Variants in FAM83B observed in about 807,000 individuals in gnomAD.
The protein encoded by FAM83B is scaffolding CK1 anchoring protein B.
Under a neutral mutation model 38.8 loss-of-function variants are expected in FAM83B, and 26 were observed. The ratio of observed to expected loss-of-function variants is 0.67; its 90% confidence interval spans 0.49 to 0.93. The LOEUF (loss-of-function observed/expected upper bound fraction) is 0.93, where lower values mean the gene tolerates loss of function less well. FAM83B is among the 40% of genes least tolerant of loss of function. FAM83B has a pLI of 0.00. For synonymous variants in FAM83B, 419 were observed against 423.1 expected (o/e 0.99, Z 0.12); for missense variants, 1,237 against 1,197.3 (o/e 1.03, Z -0.49).
chr6:54,877,675 G>A (rs1030684808), intron 2 of FAM83B, among the ~76,000 whole-genome samples: 7 of 152,188 alleles, frequency 4.6e-5, no homozygotes, highest in Non-Finnish European at 8.8e-5. Context: ...ACTGTGCTAA[G>A]CACTTTACAT....
intron 2 of FAM83B, among the ~76,000 whole-genome samples, chr6:54,896,814 A>G (rs1772548894): frequency 6.6e-6 from 1 of 152,344 alleles, no homozygotes; most frequent in South Asian, 2.1e-4. Context: ...AACAACAAAG[A>G]TAATTTTGTA....
intron 1 of FAM83B, among the ~76,000 whole-genome samples, chr6:54,851,204 CT>C (rs1056034304): frequency 4.6e-5 from 7 of 151,502 alleles, no homozygotes; most frequent in East Asian, 2.0e-4. Flanking sequence ...GCCTTTTCAT[CT>C]TTTTTTGTCA....
In FAM83B at chr6:54,915,812, CAAAAAAAAAAAA is replaced by C. The variant is rs58597609; in HGVS notation, c.445-10545_445-10534del. Among the ~76,000 whole-genome samples, 8 of 18,050 alleles carry C rather than the reference CAAAAAAAAAAAA, an allele frequency of 4.4e-4. 1 individual carries two copies. Among genetic ancestry groups the C allele is most frequent in the African/African-American group, 1.4e-3 (6 of 4,252 alleles). 11.8% of individuals were successfully genotyped at this position (18,050 alleles called of 152,430 possible). A position where few individuals can be genotyped will look rare whatever the true frequency, so the allele number is the denominator to read the frequency against. On this transcript the variant is annotated intron_variant, in intron 2 of 4. Transcript: ENST00000306858. ...TGGGCGACAGAGCGAGACTCCGTCTCAAAAAAAAAAAAAAAAAAAAAAAAAGAAACTCACATT... is the reference window on the plus strand; with the variant it reads ...TGGGCGACAGAGCGAGACTCCGTCTCAAAAAAAAAAAAAGAAACTCACATT...
chr6:54,865,974 A>G (rs1047901933), intron 1 of FAM83B, among the ~76,000 whole-genome samples: 4 of 3,338 alleles, frequency 1.2e-3, no homozygotes, highest in Middle Eastern at 0.17. Context: ...AGTCATAATA[A>G]TAATAATAAT....
rs776649451 is a variant in FAM83B, at chr6:54,941,249, G to A, written c.2278G>A (p.Glu760Lys). Residue 760 changes from glutamate (E) to lysine (K), a missense_variant, in exon 5 of 5, where the codon GAA (glutamate) becomes AAA (lysine). Transcript: ENST00000306858. Reference sequence around the variant, plus strand: ...TAACAAAGAACTTGCTTCAAAGAAGGAAGTTAAGGGTTCCCCAAGTTTTTT... The same window carrying A: ...TAACAAAGAACTTGCTTCAAAGAAGAAAGTTAAGGGTTCCCCAAGTTTTTT... ...ESNKELASKK[E>K]VKGSPSFLKK... The A allele has an allele frequency of 2.5e-6, 4 of 1,612,682 alleles. No individual in the cohort carries two copies. Among genetic ancestry groups the A allele is most frequent in the Non-Finnish European group, 3.4e-6 (4 of 1,179,704 alleles).
At chr6:54,932,522 G>T (rs539989941) in intron 4 of FAM83B, among the ~76,000 whole-genome samples, 1 of 152,188 alleles carries the variant, frequency 6.6e-6, no homozygotes, top group African/African-American at 2.4e-5. Context: ...ATCTGCAATA[G>T]TACAGGTCAC....
chr6:54,914,415 C>T (rs1025925122), intron 2 of FAM83B, among the ~76,000 whole-genome samples: 2 of 152,096 alleles, frequency 1.3e-5, no homozygotes, highest in African/African-American at 4.8e-5. Context: ...TTTCATCAAA[C>T]CCAATGAATT....
intron 2 of FAM83B, among the ~76,000 whole-genome samples, chr6:54,892,059 G>A (rs1772415447): frequency 6.6e-6 from 1 of 152,090 alleles, no homozygotes; most frequent in Admixed American, 6.6e-5. Context: ...ACTTGCAACA[G>A]TCCCCTTAAC....
In FAM83B at chr6:54,942,062, G is replaced by A; in HGVS notation, c.*55G>A. On this transcript the variant is annotated 3_prime_UTR_variant, in exon 5 of 5. Transcript: ENST00000306858. ...CAATATTTGTCCAAAGAAAATTGTGGACAGTCTTTGTAACATGCCAATAGA... is the reference window on the plus strand; with the variant it reads ...CAATATTTGTCCAAAGAAAATTGTGAACAGTCTTTGTAACATGCCAATAGA... The A allele has an allele frequency of 2.0e-6, 3 of 1,517,172 alleles. No individual in the cohort carries two copies. Among genetic ancestry groups the A allele is most frequent in the Non-Finnish European group, 2.7e-6 (3 of 1,128,034 alleles). 94.0% of individuals were successfully genotyped at this position (1,517,172 alleles called of 1,614,324 possible).
At chr6:54,848,078 A>C (rs1771182603) in intron 1 of FAM83B, among the ~76,000 whole-genome samples, 1 of 129,026 alleles carries the variant, frequency 7.8e-6, no homozygotes, top group African/African-American at 3.1e-5. Flanking sequence ...AGAAGAGAAA[A>C]CTGGGGTTTT....
chr6:54,880,167 A>G (rs1165586623), intron 2 of FAM83B, among the ~76,000 whole-genome samples: 2 of 152,222 alleles, frequency 1.3e-5, no homozygotes, highest in African/African-American at 4.8e-5. Flanking sequence ...AGCCCACTTC[A>G]AGTGATTTAA....
At chr6:54,896,412 G>C (rs1463691290) in intron 2 of FAM83B, among the ~76,000 whole-genome samples, 1 of 152,034 alleles carries the variant, frequency 6.6e-6, no homozygotes, top group Admixed American at 6.6e-5. Context: ...AAGCCTCCTG[G>C]TCCTACCTCA....
chr6:54,856,266 C>G (rs190889309), intron 1 of FAM83B, among the ~76,000 whole-genome samples: 279 of 152,286 alleles, frequency 1.8e-3, no homozygotes, highest in African/African-American at 6.4e-3. Flanking sequence ...GCTGCAATAC[C>G]ATGTGGCCAA....
Position 54,939,968 on chromosome 6 carries a change from G to T in FAM83B, c.997G>T (p.Asp333Tyr). 2 of 1,614,038 alleles carry T rather than the reference G, an allele frequency of 1.2e-6. No individual in the cohort carries two copies. The highest frequency in any genetic ancestry group is 1.7e-6 in the Non-Finnish European group (2 of 1,179,982). Residue 333 changes from aspartate to tyrosine, a missense_variant, in exon 5 of 5, where the codon GAT becomes TAT. By Grantham distance (160) the Asp-to-Tyr change is radical. Transcript: ENST00000306858. ...FGRQDKIHKL[D>Y]SSYFKNRGIY... ...TAGACAAGACAAGATTCATAAACTA[G>T]ATTCCAGTTACTTCAAAAACAGAGG...
At chr6:54,862,414 C>G (rs1285130987) in intron 1 of FAM83B, among the ~76,000 whole-genome samples, 3 of 152,100 alleles carry the variant, frequency 2.0e-5, no homozygotes, top group Non-Finnish European at 4.4e-5. Context: ...GGGAAGTAAC[C>G]CTTGCTGAGG....
In FAM83B at chr6:54,869,786, G is replaced by A. The variant is rs143656077; in HGVS notation, c.-60-401G>A. Among the ~76,000 whole-genome samples, 383 of 152,254 alleles carry A rather than the reference G, an allele frequency of 2.5e-3. 2 individuals carry two copies. The highest frequency in any genetic ancestry group is 8.7e-3 in the African/African-American group (363 of 41,546). The stretch of plus-strand genomic sequence containing the variant: ...CAAAGTGGTAAGTAATGTTTTTTGC[G>A]TACAATTTGCCTCCTCAACTAATTA... On this transcript the variant is annotated intron_variant, in intron 1 of 4. Coordinates refer to ENST00000306858, the MANE Select transcript of FAM83B (RefSeq NM_001010872.3).
chr6:54,849,860 C>A (rs1267015575), intron 1 of FAM83B, among the ~76,000 whole-genome samples: 1 of 152,002 alleles, frequency 6.6e-6, no homozygotes, highest in Non-Finnish European at 1.5e-5. Flanking sequence ...GCCTCTCTTG[C>A]ATACTGACAT....
At chr6:54,853,876 A>G (rs1234255910) in intron 1 of FAM83B, among the ~76,000 whole-genome samples, 1 of 152,238 alleles carries the variant, frequency 6.6e-6, no homozygotes, top group Non-Finnish European at 1.5e-5. Context: ...AAATAAATAG[A>G]AAATCTGGAA....
chr6:54,886,712 A>G (rs1236714994), intron 2 of FAM83B, among the ~76,000 whole-genome samples: 1 of 151,228 alleles, frequency 6.6e-6, no homozygotes, highest in East Asian at 1.9e-4. Context: ...TGATTTTTTT[A>G]TATTACTGAT....
Sources: allele counts gnomAD v4.1 joint callset (sites outside exome capture counted in the v4.1 genomes callset), GRCh38; gene constraint gnomAD v4.1.1; transcripts MANE v1.5; gene names NCBI Gene and HGNC (gene_info 2026-07-23, HGNC 2026-07-21).